PAX1: variants seen among roughly 807,000 people sequenced by gnomAD.
PAX1 encodes the protein paired box protein Pax-1.
In PAX1, 18 loss-of-function variants were observed where a neutral mutation model predicts 35.6. The observed-to-expected ratio is 0.50, with a 90% confidence interval of 0.35 to 0.75. The LOEUF is 0.75. PAX1 is among the 30% of genes least tolerant of loss of function. The probability of loss-of-function intolerance (pLI) is 0.01; values close to 1 mark genes in which losing one functional copy is unlikely to be tolerated. For missense variants in PAX1, 760 were observed against 661.5 expected (o/e 1.15, Z -1.63); for synonymous variants, 397 against 305.2 (o/e 1.30, Z -3.14).
Position 21,715,171 on chromosome 20 carries a change from G to A in PAX1, c.*609G>A, listed in dbSNP as rs1028818261. 1.2e-5 allele frequency: 4 copies of A among 340,700 alleles called. No homozygotes were observed. The highest frequency in any genetic ancestry group is 8.7e-5 in the African/African-American group (4 of 45,968). The allele number at this position is 340,700 out of a possible 1,614,324, so 21.1% of individuals were successfully genotyped here. On this transcript the variant is annotated 3_prime_UTR_variant, in exon 5 of 5. Transcript: ENST00000613128. ...TCTCTGTCTCTGGTTCTACTGTCAAGGGCCCTAGTTCCCTTTGTTTTACTG... is the reference window on the plus strand; with the variant it reads ...TCTCTGTCTCTGGTTCTACTGTCAAAGGCCCTAGTTCCCTTTGTTTTACTG...
Position 21,705,825 on chromosome 20 carries a change from A to T in PAX1, c.113A>T (p.Gln38Leu). 1.5e-6 allele frequency: 2 copies of T among 1,337,466 alleles called. No individual in the cohort carries two copies. The allele number at this position is 1,337,466 out of a possible 1,614,324, so 82.8% of individuals were successfully genotyped here. Residue 38 changes from glutamine (Q) to leucine (L), a missense_variant, in exon 1 of 5, where the codon CAG (glutamine) becomes CTG (leucine). By Grantham distance (113) the Gln-to-Leu change is moderately radical (BLOSUM62 -2). Around this residue, in one of 3 missense-constraint regions of PAX1, gnomAD observed 222 missense variants for 153.0 expected, o/e 1.45. Coordinates refer to ENST00000613128, the MANE Select transcript of PAX1 (RefSeq NM_001257096.2). ...AGGSALRCRA[Q>L]RVSSPRLGRR... Reference sequence around the variant, plus strand: ...GGCAGCGCGCTCCGCTGCCGCGCACAGCGCGTCTCCAGCCCGCGGCTGGGC... The same window carrying T: ...GGCAGCGCGCTCCGCTGCCGCGCACTGCGCGTCTCCAGCCCGCGGCTGGGC...
chr20:21,712,465 G>A (rs1985226936), intron 4 of PAX1, among the ~76,000 whole-genome samples: 1 of 151,976 alleles, frequency 6.6e-6, no homozygotes, highest in South Asian at 2.1e-4. Context: ...TCATAGCCAG[G>A]GCACGACCAT....
intron 4 of PAX1, among the ~76,000 whole-genome samples, chr20:21,713,591 T>C (rs1268597762): frequency 1.3e-5 from 2 of 152,128 alleles, no homozygotes; most frequent in Admixed American, 6.5e-5. Context: ...AATAGGCCCC[T>C]GTAGGTATAA....
At position 21,706,393 on chromosome 20, in the gene PAX1, G is replaced by C. The variant is rs771613225; in HGVS notation, c.287-45G>C. 1.1e-5 allele frequency: 17 copies of C among 1,607,490 alleles called. No individual in the cohort carries two copies. The Admixed American group carries it at 2.8e-4, about 27-fold the overall frequency. ...TGGGGACCCTTGGCTAACCCGCCGGGTGTTTTCTCCCCCTCCGGCTCACTC... is the reference window on the plus strand; with the variant it reads ...TGGGGACCCTTGGCTAACCCGCCGGCTGTTTTCTCCCCCTCCGGCTCACTC... On this transcript the variant is annotated intron_variant, in intron 1 of 4. Coordinates refer to ENST00000613128, the MANE Select transcript of PAX1 (RefSeq NM_001257096.2). The surrounding 1 kb of genome is among the most constrained non-coding windows in gnomAD (Gnocchi z 5.3).
In PAX1 at chr20:21,706,516, G is replaced by T. The variant is rs777398670; in HGVS notation, c.365G>T (p.Arg122Leu). The change falls in exon 2 of 5, where the codon CGC becomes CTC. Residue 122 changes from arginine to leucine, a missense_variant. By Grantham distance (102) the Arg-to-Leu change is moderately radical (BLOSUM62 -2). This residue lies in a region of PAX1 where 48 missense variants were observed against 80.0 expected (regional missense o/e 0.60). Transcript: ENST00000613128. The surrounding 1 kb of genome is among the most constrained non-coding windows in gnomAD (Gnocchi z 5.3). ...CCCCTGCCCAACGCCATCCGCTTGC[G>T]CATTGTGGAGCTGGCGCAGCTGGGC... Reference protein sequence around the residue: ...GRPLPNAIRLRIVELAQLGIR... With the variant: ...GRPLPNAIRLLIVELAQLGIR... The T allele has an allele frequency of 6.2e-7, 1 of 1,612,248 alleles. No homozygotes were observed. Among genetic ancestry groups the T allele is most frequent in the Non-Finnish European group, 8.5e-7 (1 of 1,179,960 alleles).
Position 21,706,961 on chromosome 20 carries a change from C to T in PAX1, c.810C>T (p.His270=), listed in dbSNP as rs1428799956. The T allele has an allele frequency of 6.2e-7, 1 of 1,612,534 alleles. No individual in the cohort carries two copies. Among genetic ancestry groups the T allele is most frequent in the African/African-American group, 1.3e-5 (1 of 75,058 alleles). Residue 270 remains histidine, a synonymous_variant, in exon 2 of 5, where the codon CAC becomes CAT. Coordinates refer to ENST00000613128, the MANE Select transcript of PAX1 (RefSeq NM_001257096.2). This position sits in a 1 kb window ranked among gnomAD's most constrained non-coding sequence, Gnocchi z 5.3. The part of the protein sequence containing the change: ...VSPTGAKMGS[H]PGVPGTAGHV... The stretch of plus-strand genomic sequence containing the variant: ...CCACGGGCGCCAAGATGGGCAGCCA[C>T]CCCGGGGTCCCGGGCACGGCGGGCC...
In PAX1 at chr20:21,708,613, C is replaced by T. The variant is rs1568695275; in HGVS notation, c.972C>T (p.Ala324=). ...ACTCTCCCAAGATGGAAGACTGGGC[C>T]GGCGTGAACCGCACGGCCTTCCCCG... The part of the protein sequence containing the change: ...TAYSPKMEDW[A]GVNRTAFPAT... Residue 324 remains alanine, a synonymous_variant, in exon 3 of 5, where the codon GCC becomes GCT. Coordinates refer to ENST00000613128, the MANE Select transcript of PAX1 (RefSeq NM_001257096.2). 3.1e-6 allele frequency: 5 copies of T among 1,613,610 alleles called. No homozygotes were observed. Among genetic ancestry groups the T allele is most frequent in the South Asian group, 1.1e-5 (1 of 91,078 alleles).
Position 21,714,920 on chromosome 20 carries a change from C to T in PAX1, c.*358C>T. 2 of 818,674 alleles carry T rather than the reference C, an allele frequency of 2.4e-6. No individual in the cohort carries two copies. The highest frequency in any genetic ancestry group is 2.9e-5 in the South Asian group (2 of 69,328). 50.7% of individuals were successfully genotyped at this position (818,674 alleles called of 1,614,324 possible). On this transcript the variant is annotated 3_prime_UTR_variant, in exon 5 of 5. Transcript: ENST00000613128. ...TCCGTCTCGCCTCTCTCCCTGTTTC[C>T]TTCCCCCCTCTTTCTTTCTCACTCT... is the stretch of plus-strand genomic sequence containing the variant.
At position 21,714,759 on chromosome 20, in the gene PAX1, CTT is replaced by C; in HGVS notation, c.*199_*200del. On this transcript the variant is annotated 3_prime_UTR_variant, in exon 5 of 5. Transcript: ENST00000613128. ...CCTCTGGCCGGACCCACCACACTTC[CTT>C]TATTGGTCTGGGTTTTTAGGCTTCT... is the stretch of plus-strand genomic sequence containing the variant. 1 of 1,601,870 alleles carries C rather than the reference CTT, an allele frequency of 6.2e-7. No homozygotes were observed. The highest frequency in any genetic ancestry group is 8.5e-7 in the Non-Finnish European group (1 of 1,179,906).
chr20:21,706,259 C>T lies in PAX1; in HGVS notation c.287-179C>T. Reference sequence around the variant, plus strand: ...CTCCACTCCGCGGCTCCTCTGCGCCCTTGCCCACTCCAAGCCAGACCCAGG... The same window carrying T: ...CTCCACTCCGCGGCTCCTCTGCGCCTTTGCCCACTCCAAGCCAGACCCAGG... On this transcript the variant is annotated intron_variant, in intron 1 of 4. Coordinates refer to ENST00000613128, the MANE Select transcript of PAX1 (RefSeq NM_001257096.2). This position sits in a 1 kb window ranked among gnomAD's most constrained non-coding sequence, Gnocchi z 5.3. The T allele has an allele frequency of 1.1e-6, 1 of 890,270 alleles. No homozygotes were observed. The highest frequency in any genetic ancestry group is 1.8e-6 in the Non-Finnish European group (1 of 554,250). The allele number at this position is 890,270 out of a possible 1,614,324, so 55.1% of individuals were successfully genotyped here. A position where few individuals can be genotyped will look rare whatever the true frequency, so the allele number is the denominator to read the frequency against.
At position 21,717,533 on chromosome 20, in the gene PAX1, G is replaced by T. The variant is rs1985412184; in HGVS notation, c.*2971G>T. ...CCCAGAATTTAAATATTTTCCAAAA[G>T]ATCCCATTGGAATATTGCACTTTTG... On this transcript the variant is annotated 3_prime_UTR_variant, in exon 5 of 5. Coordinates refer to ENST00000613128, the MANE Select transcript of PAX1 (RefSeq NM_001257096.2). 2 of 152,318 alleles carry T rather than the reference G, an allele frequency of 1.3e-5. No homozygotes were observed. The highest frequency in any genetic ancestry group is 2.4e-5 in the African/African-American group (1 of 41,574). 9.4% of individuals were successfully genotyped at this position (152,318 alleles called of 1,614,324 possible).
Position 21,706,422 on chromosome 20 carries a change from T to C in PAX1, c.287-16T>C. The C allele has an allele frequency of 6.2e-7, 1 of 1,611,100 alleles. No homozygotes were observed. Among genetic ancestry groups the C allele is most frequent in the Non-Finnish European group, 8.5e-7 (1 of 1,179,810 alleles). ...TTTCTCCCCCTCCGGCTCACTCTTGTCTGGCGCATCCGCAGAGCAGACGTA... is the reference window on the plus strand; with the variant it reads ...TTTCTCCCCCTCCGGCTCACTCTTGCCTGGCGCATCCGCAGAGCAGACGTA... On this transcript the variant is annotated splice_polypyrimidine_tract_variant and intron_variant, in intron 1 of 4. Transcript: ENST00000613128. This position sits in a 1 kb window ranked among gnomAD's most constrained non-coding sequence, Gnocchi z 5.3.
rs1160674494 is a variant in PAX1 at position 21,714,661 on chromosome 20, G to A, written c.*99G>A. ...CCGGCAATCGGCACGGGCAGGATCG[G>A]AGGACTCGCGGAGGAGGAAGCCAGT... On this transcript the variant is annotated 3_prime_UTR_variant, in exon 5 of 5. Coordinates refer to ENST00000613128, the MANE Select transcript of PAX1 (RefSeq NM_001257096.2). 2 of 1,601,866 alleles carry A rather than the reference G, an allele frequency of 1.2e-6. No homozygotes were observed.
At position 21,708,623 on chromosome 20, in the gene PAX1, C is replaced by A. The variant is rs760037332; in HGVS notation, c.982C>A (p.Arg328Ser). 1 of 1,613,444 alleles carries A rather than the reference C, an allele frequency of 6.2e-7. No individual in the cohort carries two copies. The highest frequency in any genetic ancestry group is 8.5e-7 in the Non-Finnish European group (1 of 1,179,828). ...GATGGAAGACTGGGCCGGCGTGAAC[C>A]GCACGGCCTTCCCCGCCACCCCCGC... is the stretch of plus-strand genomic sequence containing the variant. Reference protein sequence around the residue: ...PKMEDWAGVNRTAFPATPAVN... With the variant: ...PKMEDWAGVNSTAFPATPAVN... The change falls in exon 3 of 5, where the codon CGC becomes AGC. Residue 328 changes from arginine to serine, a missense_variant. This residue lies in a region of PAX1 where 490 missense variants were observed against 428.4 expected (regional missense o/e 1.14). Coordinates refer to ENST00000613128, the MANE Select transcript of PAX1 (RefSeq NM_001257096.2).
intron 4 of PAX1, among the ~76,000 whole-genome samples, chr20:21,712,851 T>A (rs1985239671): frequency 2.0e-5 from 3 of 151,936 alleles, no homozygotes; most frequent in Admixed American, 2.0e-4. Context: ...GACCCGTGCC[T>A]CCCCTCAGCG....
At chr20:21,712,787 C>T (rs1044706206) in intron 4 of PAX1, among the ~76,000 whole-genome samples, 10 of 152,220 alleles carry the variant, frequency 6.6e-5, no homozygotes, top group Non-Finnish European at 7.3e-5. Flanking sequence ...TTGTCGCACC[C>T]GGACGCTGGC....
Position 21,705,899 on chromosome 20 carries a change from G to A in PAX1, c.187G>A (p.Gly63Ser). 2 of 1,367,692 alleles carry A rather than the reference G, an allele frequency of 1.5e-6. No individual in the cohort carries two copies. The highest frequency in any genetic ancestry group is 1.9e-6 in the Non-Finnish European group (2 of 1,058,346). The allele number at this position is 1,367,692 out of a possible 1,614,324, so 84.7% of individuals were successfully genotyped here. The change falls in exon 1 of 5, where the codon GGC becomes AGC. Residue 63 changes from glycine (G) to serine (S), a missense_variant. Physicochemically the swap from Gly to Ser is moderately conservative, Grantham distance 56. Transcript: ENST00000613128. ...SGALPLCLSR[G>S]GGGAQALPDC... The stretch of plus-strand genomic sequence containing the variant: ...CGCCCTCCCTCTATGCCTCTCACGC[G>A]GCGGCGGCGGCGCCCAAGCTCTCCC...
rs775474893 is a variant in PAX1 at position 21,714,721 on chromosome 20, A to T, written c.*159A>T. The T allele has an allele frequency of 6.2e-7, 1 of 1,605,524 alleles. No homozygotes were observed. The highest frequency in any genetic ancestry group is 8.5e-7 in the Non-Finnish European group (1 of 1,179,812). On this transcript the variant is annotated 3_prime_UTR_variant, in exon 5 of 5. Coordinates refer to ENST00000613128, the MANE Select transcript of PAX1 (RefSeq NM_001257096.2). ...CGGGGTGCACGCCCAGCCAGCCCCC[A>T]GGCCCAGCCCTGCCTCTGGCCGGAC...
intron 4 of PAX1, 23 bp downstream of exon 4, chr20:21,709,467 C>T (rs2122140387): frequency 2.0e-6 from 3 of 1,483,712 alleles, no homozygotes; most frequent in East Asian, 2.5e-5. Context: ...GGGAGTGGGG[C>T]GGGTGGATGC....
Sources: allele counts gnomAD v4.1 joint callset (sites outside exome capture counted in the v4.1 genomes callset), GRCh38; gene constraint gnomAD v4.1.1; regional missense constraint gnomAD v4.1.1; non-coding constraint Gnocchi (gnomAD v3.1); transcripts MANE v1.5; gene names NCBI Gene and HGNC (gene_info 2026-07-23, HGNC 2026-07-21).